Variants in PLRG1 observed in about 807,000 individuals in gnomAD.
PLRG1 encodes pleiotropic regulator 1.
A neutral mutation model predicts 74.9 loss-of-function variants in PLRG1; 28 were observed. That is an observed-to-expected ratio of 0.37 (90% CI 0.28 to 0.51). The LOEUF is 0.51. Among genes scored for constraint, PLRG1 ranks in the 20% least tolerant of loss-of-function variants. PLRG1 has a pLI of 0.91. For missense variants in PLRG1, 445 were observed against 631.9 expected (o/e 0.70, Z 3.17); for synonymous variants, 197 against 212.4 (o/e 0.93, Z 0.63).
rs1388415254 is a variant in PLRG1 at position 154,544,524 on chromosome 4, G to A, written c.515C>T (p.Thr172Ile). 1.9e-6 allele frequency: 3 copies of A among 1,607,066 alleles called. No homozygotes were observed. The highest frequency in any genetic ancestry group is 3.3e-5 in the Admixed American group (2 of 59,934). ...TTTAGCCATCAGTGCAGAGTTCTTGGTATTGCCAGTCTCCATGACAATCTA... is the reference window on the plus strand; with the variant it reads ...TTTAGCCATCAGTGCAGAGTTCTTGATATTGCCAGTCTCCATGACAATCTA... ...MNSIVMETGN[T>I]KNSALMAKKA... Residue 172 changes from threonine to isoleucine, a missense_variant, in exon 7 of 15, where the codon ACC becomes ATC. Thr to Ile is a moderately conservative substitution (Grantham distance 89). Around this residue, in one of 3 missense-constraint regions of PLRG1, gnomAD observed 206 missense variants for 210.8 expected, o/e 0.98. Coordinates refer to ENST00000499023, the MANE Select transcript of PLRG1 (RefSeq NM_002669.4).
At position 154,550,288 on chromosome 4, in the gene PLRG1, G is replaced by A. The variant is rs748291245; in HGVS notation, c.9+12C>T. On this transcript the variant is annotated intron_variant, in intron 1 of 14. Transcript: ENST00000499023. ...AGACAAACGACTCTTGAGAGCCCCA[G>A]TGTCACTTTACCTCGACCATGATGC... 2 of 1,612,618 alleles carry A rather than the reference G, an allele frequency of 1.2e-6. No homozygotes were observed. Among genetic ancestry groups the A allele is most frequent in the East Asian group, 2.2e-5 (1 of 44,888 alleles).
Position 154,540,641 on chromosome 4 carries a change from G to T in PLRG1, c.892C>A (p.Pro298Thr). The change falls in exon 10 of 15, where the codon CCG becomes ACG. Residue 298 changes from proline (P) to threonine (T), a missense_variant. Pro to Thr is a conservative substitution (Grantham distance 38, BLOSUM62 -1). Coordinates refer to ENST00000499023, the MANE Select transcript of PLRG1 (RefSeq NM_002669.4). ...LSAVYGLDLH[P>T]TIDVLVTCSR... is the part of the protein sequence containing the mutation. ...CAGGTTACCAACACATCGATTGTCG[G>T]GTGCAAATCCAAACCATACACTGCA... 1 of 1,613,442 alleles carries T rather than the reference G, an allele frequency of 6.2e-7. No individual in the cohort carries two copies. Among genetic ancestry groups the T allele is most frequent in the African/African-American group, 1.3e-5 (1 of 74,984 alleles).
Position 154,537,370 on chromosome 4 carries a change from A to C in PLRG1, c.1401T>G (p.Ala467=), listed in dbSNP as rs760467207. Residue 467 remains alanine, a synonymous_variant, in exon 14 of 15, where the codon GCT becomes GCG. Coordinates refer to ENST00000499023, the MANE Select transcript of PLRG1 (RefSeq NM_002669.4). ...GSLDSESGIF[A]CAFDQSESRL... is the part of the protein sequence containing the mutation. ...GACTTTCAGACTGATCAAAAGCACA[A>C]GCAAATATTCCTGATTCACTGTCCA... 6.2e-6 allele frequency: 10 copies of C among 1,613,268 alleles called. No individual in the cohort carries two copies. Among genetic ancestry groups the C allele is most frequent in the Non-Finnish European group, 8.5e-6 (10 of 1,179,502 alleles).
chr4:154,542,916 G>C (rs532871953), intron 7 of PLRG1, among the ~76,000 whole-genome samples: 2 of 152,226 alleles, frequency 1.3e-5, no homozygotes, highest in Non-Finnish European at 2.9e-5. Context: ...GTGGATCACG[G>C]GTACAAAAAT....
chr4:154,544,186 T>G (rs1729606670), intron 7 of PLRG1: 2 of 273,706 alleles, frequency 7.3e-6, no homozygotes, highest in Non-Finnish European at 1.4e-5. Flanking sequence ...TTTTCTACAT[T>G]TATTTAGTCT....
At chr4:154,543,749 T>C (rs1437883239) in intron 7 of PLRG1, among the ~76,000 whole-genome samples, 2 of 152,240 alleles carry the variant, frequency 1.3e-5, no homozygotes, top group East Asian at 3.8e-4. Flanking sequence ...AAAAGGCTCT[T>C]ACTGTACAAT....
rs1729439967 is a variant in PLRG1, at chr4:154,535,940, C to T, written c.*745G>A. 1 of 152,232 alleles carries T rather than the reference C, an allele frequency of 6.6e-6. No homozygotes were observed. The highest frequency in any genetic ancestry group is 2.4e-5 in the African/African-American group (1 of 41,448). 9.4% of individuals were successfully genotyped at this position (152,232 alleles called of 1,614,324 possible). ...ACATTCTTTGTCCCAGAACACACCG[C>T]ACACTTTCTTGTGCCTGGTTTCATC... On this transcript the variant is annotated 3_prime_UTR_variant, in exon 15 of 15. Transcript: ENST00000499023.
At chr4:154,546,361 C>CT (rs1560809048) in intron 4 of PLRG1, 148 bp from the exon 5 acceptor site, 1 of 608,116 alleles carries the variant, frequency 1.6e-6, no homozygotes, top group African/African-American at 1.9e-5. Flanking sequence ...TTTTGCTCAT[C>CT]TTTGTTTTTA....
At chr4:154,550,277 T>C (rs781233593) in intron 1 of PLRG1, 23 bp downstream of exon 1, 1 of 1,609,392 alleles carries the variant, frequency 6.2e-7, no homozygotes, top group Non-Finnish European at 8.5e-7. Context: ...AAACGACTCT[T>C]GAGAGCCCCA....
intron 1 of PLRG1, 115 bp from the exon 2 acceptor site, chr4:154,549,050 C>T: frequency 1.5e-6 from 1 of 686,610 alleles, no homozygotes; most frequent in Non-Finnish European, 2.6e-6. Flanking sequence ...TTATACCACT[C>T]ACCATAGCTA....
chr4:154,550,167 C>CGG (rs1729736333), intron 1 of PLRG1, 133 bp downstream of exon 1: 2 of 849,344 alleles, frequency 2.4e-6, no homozygotes, highest in African/African-American at 3.4e-5. Context: ...AGAGACCACT[C>CGG]GGCCTTGGCC....
rs1227818342 is a variant in PLRG1, at chr4:154,546,195, T to C, written c.332A>G (p.Asp111Gly). The part of the protein sequence containing the change: ...PPGPGVALTA[D>G]TKIQRMPSES... ...ACTTGGCATTCTCTGGATCTTAGTA[T>C]CTGCTGTCAAAGCAACCCCTATTAA... Residue 111 changes from aspartate (D) to glycine (G), a missense_variant, in exon 5 of 15, where the codon GAT becomes GGT. Physicochemically the swap from Asp to Gly is moderately conservative, Grantham distance 94. Transcript: ENST00000499023. 6.2e-7 allele frequency: 1 copy of C among 1,604,864 alleles called. No homozygotes were observed.
rs1304737837 is a variant in PLRG1 at position 154,547,725 on chromosome 4, T to C, written c.245A>G (p.Tyr82Cys). 5.6e-6 allele frequency: 9 copies of C among 1,612,710 alleles called. No individual in the cohort carries two copies. The highest frequency in any genetic ancestry group is 4.5e-5 in the East Asian group (2 of 44,844). Residue 82 changes from tyrosine (Y) to cysteine (C), a missense_variant, in exon 3 of 15, where the codon TAC (tyrosine) becomes TGC (cysteine). Transcript: ENST00000499023. ...NATDSYVHKQYPANQGQEVEY... is the reference protein window; with the variant it reads ...NATDSYVHKQCPANQGQEVEY... ...ACCATACTCACCTTGATTGGCAGGG[T>C]ACTGTTTATGAACATATGAATCCGT...
chr4:154,541,142 A>G (rs1247370279), intron 8 of PLRG1, among the ~76,000 whole-genome samples: 1 of 152,186 alleles, frequency 6.6e-6, no homozygotes, highest in African/African-American at 2.4e-5. Context: ...TTGCAATTAG[A>G]TGACAAAAGG....
intron 6 of PLRG1, among the ~76,000 whole-genome samples, chr4:154,545,082 G>A (rs1211777045): frequency 6.6e-6 from 1 of 152,070 alleles, no homozygotes; most frequent in African/African-American, 2.4e-5. Flanking sequence ...TCTGTTGTTA[G>A]CAGTCATCTA....
rs747392378 is a variant in PLRG1, at chr4:154,536,641, T to A, written c.*44A>T. The A allele has an allele frequency of 2.9e-6, 3 of 1,028,312 alleles. No individual in the cohort carries two copies. The highest frequency in any genetic ancestry group is 1.7e-5 in the African/African-American group (1 of 60,476). 63.7% of individuals were successfully genotyped at this position (1,028,312 alleles called of 1,614,324 possible). On this transcript the variant is annotated 3_prime_UTR_variant, in exon 15 of 15. Coordinates refer to ENST00000499023, the MANE Select transcript of PLRG1 (RefSeq NM_002669.4). ...CATGAACGCCAAGCTTTTTTTTTTT[T>A]AATTAAAAAGAAAAAAAAAGAGAGA... is the stretch of plus-strand genomic sequence containing the variant.
rs528033440 is a variant in PLRG1 at position 154,547,032 on chromosome 4, G to T, written c.292C>A (p.His98Asn). 2 of 1,611,986 alleles carry T rather than the reference G, an allele frequency of 1.2e-6. No homozygotes were observed. The highest frequency in any genetic ancestry group is 4.5e-5 in the East Asian group (2 of 44,836). Residue 98 changes from histidine (H) to asparagine (N), a missense_variant, in exon 4 of 15, where the codon CAT (histidine) becomes AAT (asparagine). His to Asn is a moderately conservative substitution (Grantham distance 68). Around this residue, in one of 3 missense-constraint regions of PLRG1, gnomAD observed 206 missense variants for 210.8 expected, o/e 0.98. Coordinates refer to ENST00000499023, the MANE Select transcript of PLRG1 (RefSeq NM_002669.4). Reference protein sequence around the residue: ...QEVEYFVAGTHPYPPGPGVAL... With the variant: ...QEVEYFVAGTNPYPPGPGVAL... The stretch of plus-strand genomic sequence containing the variant: ...TAACCAGGTCCTGGTGGGTATGGAT[G>T]TGTACCTGCCACAAAGTATTCAACT...
Position 154,546,196 on chromosome 4 carries a change from C to T in PLRG1, c.331G>A (p.Asp111Asn). 4 of 1,603,780 alleles carry T rather than the reference C, an allele frequency of 2.5e-6. No individual in the cohort carries two copies. The highest frequency in any genetic ancestry group is 3.4e-6 in the Non-Finnish European group (4 of 1,170,656). The stretch of plus-strand genomic sequence containing the variant: ...CTTGGCATTCTCTGGATCTTAGTAT[C>T]TGCTGTCAAAGCAACCCCTATTAAA... ...PPGPGVALTA[D>N]TKIQRMPSES... The change falls in exon 5 of 15, where the codon GAT becomes AAT. Residue 111 changes from aspartate to asparagine, a missense_variant. This residue lies in a region of PLRG1 where 206 missense variants were observed against 210.8 expected (regional missense o/e 0.98). Transcript: ENST00000499023.
chr4:154,536,667 G>T lies in PLRG1; in HGVS notation c.*18C>A. 1 of 1,348,272 alleles carries T rather than the reference G, an allele frequency of 7.4e-7. No individual in the cohort carries two copies. The highest frequency in any genetic ancestry group is 1.0e-6 in the Non-Finnish European group (1 of 961,036). The allele number at this position is 1,348,272 out of a possible 1,614,324, so 83.5% of individuals were successfully genotyped here. A position where few individuals can be genotyped will look rare whatever the true frequency, so the allele number is the denominator to read the frequency against. ...AATTAAAAAGAAAAAAAAAGAGAGA[G>T]AAAAAATTCCACATTCATTAAAATC... is the stretch of plus-strand genomic sequence containing the variant. On this transcript the variant is annotated 3_prime_UTR_variant, in exon 15 of 15. Transcript: ENST00000499023.
Sources: allele counts gnomAD v4.1 joint callset (sites outside exome capture counted in the v4.1 genomes callset), GRCh38; gene constraint gnomAD v4.1.1; regional missense constraint gnomAD v4.1.1; transcripts MANE v1.5; gene names NCBI Gene and HGNC (gene_info 2026-07-23, HGNC 2026-07-21).